FKBP5: variants seen among roughly 807,000 people sequenced by gnomAD.
FKBP5 encodes the protein peptidyl-prolyl cis-trans isomerase FKBP5.
A neutral mutation model predicts 50.5 loss-of-function variants in FKBP5; 23 were observed. The ratio of observed to expected loss-of-function variants is 0.46; its 90% CI spans 0.33 to 0.65. FKBP5 has a LOEUF of 0.65. FKBP5 is among the 30% of genes least tolerant of loss of function. The pLI, the probability that FKBP5 is intolerant of heterozygous loss-of-function variation, is 0.02. For missense variants in FKBP5, 411 were observed against 553.1 expected, an observed-to-expected ratio of 0.74 and a Z score of 2.58; for synonymous variants, 176 against 190.6, an observed-to-expected ratio of 0.92 and a Z score of 0.63.
intron 1 of FKBP5, among the ~76,000 whole-genome samples, chr6:35,656,589 T>C (rs1764955977): frequency 6.6e-6 from 1 of 152,136 alleles, no homozygotes; most frequent in South Asian, 2.1e-4. Context: ...ACAGATGCCA[T>C]AAGAAATTAC....
At chr6:35,583,259 CTT>C in intron 8 of FKBP5, 1 of 985,380 alleles carries the variant, frequency 1.0e-6, no homozygotes, top group Non-Finnish European at 1.2e-6. Flanking sequence ...CATTGATTAA[CTT>C]AACTTTTCTG....
chr6:35,625,507 T>C (rs1380734999), intron 3 of FKBP5, among the ~76,000 whole-genome samples: 4 of 151,014 alleles, frequency 2.6e-5, no homozygotes, highest in Middle Eastern at 3.2e-3. Context: ...GAGGATGAGG[T>C]GGGCAGATCA....
chr6:35,691,164 G>T (rs1049342757), upstream of FKBP5, among the ~76,000 whole-genome samples: 2 of 152,160 alleles, frequency 1.3e-5, no homozygotes, highest in Admixed American at 6.5e-5. Context: ...TCATGTTACA[G>T]GGGTTGTGAC....
chr6:35,612,131 C>T (rs564848338), intron 5 of FKBP5, among the ~76,000 whole-genome samples: 4 of 152,196 alleles, frequency 2.6e-5, no homozygotes, highest in Admixed American at 6.5e-5. Flanking sequence ...TGGCTCACGC[C>T]TGTAATCCCA....
At chr6:35,626,654 C>G (rs1272190594) in intron 3 of FKBP5, among the ~76,000 whole-genome samples, 1 of 152,164 alleles carries the variant, frequency 6.6e-6, no homozygotes, top group African/African-American at 2.4e-5. Flanking sequence ...CTTCCCTAAT[C>G]TTTGGCAACT....
intron 2 of FKBP5, among the ~76,000 whole-genome samples, chr6:35,637,757 C>T (rs1331314085): frequency 1.3e-5 from 2 of 152,064 alleles, no homozygotes; most frequent in African/African-American, 2.4e-5. Flanking sequence ...CCACCGCGCC[C>T]GACACTAAAC....
At chr6:35,597,538 G>A in intron 5 of FKBP5, 134 bp from the exon 6 acceptor site, 1 of 1,031,734 alleles carries the variant, frequency 9.7e-7, no homozygotes, top group Non-Finnish European at 1.4e-6. Flanking sequence ...GACACACACA[G>A]TGTGTCTTGG....
chr6:35,603,431 C>T (rs1040286486), intron 5 of FKBP5, among the ~76,000 whole-genome samples: 3 of 152,012 alleles, frequency 2.0e-5, no homozygotes, highest in South Asian at 2.1e-4. Flanking sequence ...GAGTTCAGGG[C>T]CAGCAAGTAA....
At chr6:35,701,850 G>A (rs557645910) in intron 2 of FKBP5, among the ~76,000 whole-genome samples, 44 of 148,936 alleles carry the variant, frequency 3.0e-4, no homozygotes, top group Admixed American at 2.0e-4. Context: ...CAGGAATGCC[G>A]TATTTTTTTT....
At chr6:35,647,608 G>C (rs1233490118) in intron 1 of FKBP5, among the ~76,000 whole-genome samples, 1 of 152,204 alleles carries the variant, frequency 6.6e-6, no homozygotes, top group Non-Finnish European at 1.5e-5. Flanking sequence ...CTCTAGGTCT[G>C]GGGTCAGCCC....
chr6:35,667,717 T>C (rs895560906), intron 1 of FKBP5, among the ~76,000 whole-genome samples: 3 of 152,056 alleles, frequency 2.0e-5, no homozygotes, highest in African/African-American at 7.2e-5. Flanking sequence ...CCCATCTCTA[T>C]TAAAAATACA....
chr6:35,653,944 AAAT>A (rs1328424349), intron 1 of FKBP5, among the ~76,000 whole-genome samples: 12 of 152,188 alleles, frequency 7.9e-5, no homozygotes, highest in Admixed American at 7.2e-4. Context: ...GACTTAAAAA[AAAT>A]AATAAAAATA....
intron 3 of FKBP5, among the ~76,000 whole-genome samples, chr6:35,634,108 C>A (rs1275764014): frequency 1.3e-5 from 2 of 152,044 alleles, no homozygotes; most frequent in African/African-American, 2.4e-5. Context: ...AATATAAATT[C>A]TCAACAATTC....
intron 1 of FKBP5, among the ~76,000 whole-genome samples, chr6:35,645,865 A>G (rs1026317723): frequency 1.3e-5 from 2 of 152,194 alleles, no homozygotes; most frequent in Non-Finnish European, 2.9e-5. Context: ...CTGTAATCTC[A>G]ACACTTTGGG....
At chr6:35,642,637 A>AC (rs1764524732) in intron 2 of FKBP5, 83 bp downstream of exon 2, 1 of 1,020,742 alleles carries the variant, frequency 9.8e-7, no homozygotes, top group East Asian at 2.5e-5. Context: ...AACATTATCC[A>AC]CCCCAGCCCC....
chr6:35,581,133 T>C, intron 8 of FKBP5: 4 of 962,070 alleles, frequency 4.2e-6, no homozygotes, highest in African/African-American at 1.8e-5. Flanking sequence ...CAGCAAACTG[T>C]AGTTTGCTGA....
At chr6:35,688,689 G>T (rs1765910360) in intron 1 of FKBP5, 115 bp downstream of exon 1, 1 of 150,810 alleles carries the variant, frequency 6.6e-6, no homozygotes, top group Admixed American at 6.6e-5. Flanking sequence ...GCGAAGCCGC[G>T]TGGGGGTGGG....
chr6:35,656,146 TA>T (rs1165618533), intron 1 of FKBP5, among the ~76,000 whole-genome samples: 1 of 152,192 alleles, frequency 6.6e-6, no homozygotes, highest in Non-Finnish European at 1.5e-5. Context: ...ATTATATGCC[TA>T]AGAGAAAAAC....
chr6:35,645,307 T>C (rs1282589418), intron 1 of FKBP5, among the ~76,000 whole-genome samples: 2 of 152,232 alleles, frequency 1.3e-5, no homozygotes, highest in Non-Finnish European at 2.9e-5. Flanking sequence ...CGTGCACCTG[T>C]AGTCCCAACT....
Sources: allele counts gnomAD v4.1 joint callset (sites outside exome capture counted in the v4.1 genomes callset), GRCh38; gene constraint gnomAD v4.1.1; transcripts MANE v1.5; gene names NCBI Gene and HGNC (gene_info 2026-07-23, HGNC 2026-07-21).